PTGIS: variants seen among roughly 807,000 people sequenced by gnomAD.
PTGIS encodes the protein prostaglandin I2 synthase, also known as prostacyclin synthase.
In PTGIS, 45 loss-of-function variants were observed where a neutral mutation model predicts 50.3. The observed-to-expected ratio is 0.90, with a 90% CI of 0.70 to 1.15. The LOEUF (loss-of-function observed/expected upper bound fraction) is 1.15, where lower values mean the gene tolerates loss of function less well. PTGIS is among the 50% of genes most tolerant of loss of function. PTGIS has a pLI of 0.00. For missense variants in PTGIS, 668 were observed against 661.3 expected (o/e 1.01, Z -0.11); for synonymous variants, 260 against 267.7 (o/e 0.97, Z 0.28).
At chr20:49,518,530 T>G (rs574823325) in intron 6 of PTGIS, among the ~76,000 whole-genome samples, 12 of 152,274 alleles carry the variant, frequency 7.9e-5, no homozygotes, top group African/African-American at 2.2e-4. Flanking sequence ...AATTTCTTAG[T>G]CTTGATGAAT....
chr20:49,568,123 G>GCTGGCGGGT lies in PTGIS; in HGVS notation c.-8_-7insACCCGCCAG. 1 of 1,087,930 alleles carries GCTGGCGGGT rather than the reference G, an allele frequency of 9.2e-7. No individual in the cohort carries two copies. Among genetic ancestry groups the GCTGGCGGGT allele is most frequent in the Non-Finnish European group, 1.2e-6 (1 of 831,536 alleles). The allele number at this position is 1,087,930 out of a possible 1,614,324, so 67.4% of individuals were successfully genotyped here. On this transcript the variant is annotated 5_prime_UTR_variant, in exon 1 of 10. Transcript: ENST00000244043. ...GGAGCGCGGCCCAAGCCATCGCGGG[G>GCTGGCGGGT]CTGGCGGGGCTGGCGGGGCTGGCGG...
chr20:49,539,711 G>A lies in PTGIS; in HGVS notation c.532C>T (p.Leu178=). 6.2e-7 allele frequency: 1 copy of A among 1,612,420 alleles called. No homozygotes were observed. The highest frequency in any genetic ancestry group is 8.5e-7 in the Non-Finnish European group (1 of 1,179,848). ...SYSFLLRAGY[L]TLYGIEALPR... ...AGCGCCTCAATTCCGTAAAGAGTCA[G>A]GTAGCCGGCTCTGGGGGCGGCAGAC... is the stretch of plus-strand genomic sequence containing the variant. Residue 178 remains leucine (L), a synonymous_variant, in exon 5 of 10, where the codon CTG becomes TTG. Coordinates refer to ENST00000244043, the MANE Select transcript of PTGIS (RefSeq NM_000961.4).
intron 3 of PTGIS, 35 bp from the exon 4 acceptor site, chr20:49,544,483 T>A (rs750132513): frequency 3.1e-6 from 5 of 1,613,512 alleles, no homozygotes; most frequent in Non-Finnish European, 4.2e-6. Context: ...AAATTTGGCT[T>A]CCAAAGGGAA....
chr20:49,511,196 G>A lies in PTGIS; in HGVS notation c.1207-17C>T. 3 of 1,613,748 alleles carry A rather than the reference G, an allele frequency of 1.9e-6. No homozygotes were observed. Among genetic ancestry groups the A allele is most frequent in the Non-Finnish European group, 2.5e-6 (3 of 1,179,990 alleles). ...TTTAAATACCTGAAATAGGAAGAAGGTCCTTTTCTGACCCCATTCCCAGAA... is the reference window on the plus strand; with the variant it reads ...TTTAAATACCTGAAATAGGAAGAAGATCCTTTTCTGACCCCATTCCCAGAA... On this transcript the variant is annotated splice_polypyrimidine_tract_variant and intron_variant, in intron 8 of 9. Transcript: ENST00000244043.
At position 49,526,340 on chromosome 20, in the gene PTGIS, T is replaced by A. The variant is rs1013951963; in HGVS notation, c.674-2101A>T. ...ACACAGCTTTAGAAATAACTGGCAT[T>A]CTTTGAAGTCTGACCACACAACTGC... is the stretch of plus-strand genomic sequence containing the variant. On this transcript the variant is annotated intron_variant, in intron 5 of 9. Transcript: ENST00000244043. Among the ~76,000 whole-genome samples, 297 of 152,310 alleles carry A rather than the reference T, an allele frequency of 1.9e-3. 1 individual carries two copies. The highest frequency in any genetic ancestry group is 7.0e-3 in the African/African-American group (291 of 41,564).
Position 49,547,921 on chromosome 20 carries a change from A to C in PTGIS, c.297T>G (p.Tyr99Ter), listed in dbSNP as rs1982405685. The C allele has an allele frequency of 6.2e-7, 1 of 1,614,180 alleles. No individual in the cohort carries two copies. The highest frequency in any genetic ancestry group is 1.6e-4 in the Middle Eastern group (1 of 6,062). ...EPRTRLDFHA[Y>*]AIFLMERIFD... ...AAATCCTCTCCATGAGGAAGATGGCATAGGCATGGAAGTCGAGCCTGGTGC... is the reference window on the plus strand; with the variant it reads ...AAATCCTCTCCATGAGGAAGATGGCCTAGGCATGGAAGTCGAGCCTGGTGC... The change falls in exon 3 of 10, where the codon TAT becomes TAG. Residue 99 changes from tyrosine (Y) to a stop codon, truncating the protein, a stop_gained. Transcript: ENST00000244043. LOFTEE classifies it high-confidence loss of function.
chr20:49,567,041 A>T (rs1982917282), intron 1 of PTGIS, among the ~76,000 whole-genome samples: 1 of 152,134 alleles, frequency 6.6e-6, no homozygotes, highest in South Asian at 2.1e-4. Context: ...ATATTTTTTT[A>T]AATATGGAAG....
rs779986790 is a variant in PTGIS at position 49,506,346 on chromosome 20, C to T, written c.*1574G>A. Reference sequence around the variant, plus strand: ...TAGCATCATAAAAAAGGTTTGCAGGCCATTTTTCTCTTTAAGCTGTTTTTT... The same window carrying T: ...TAGCATCATAAAAAAGGTTTGCAGGTCATTTTTCTCTTTAAGCTGTTTTTT... On this transcript the variant is annotated 3_prime_UTR_variant, in exon 10 of 10. Transcript: ENST00000244043. The T allele has an allele frequency of 1.3e-5, 2 of 152,090 alleles. No homozygotes were observed. Among genetic ancestry groups the T allele is most frequent in the Non-Finnish European group, 1.5e-5 (1 of 68,022 alleles). 9.4% of individuals were successfully genotyped at this position (152,090 alleles called of 1,614,324 possible).
chr20:49,508,113 G>A (rs559404178), intron 9 of PTGIS, 49 bp from the exon 10 acceptor site: 3 of 1,607,068 alleles, frequency 1.9e-6, no homozygotes, highest in African/African-American at 2.7e-5. Flanking sequence ...TAGGGCAGGG[G>A]GTTATCGGGA....
chr20:49,537,981 C>T (rs1464418461), intron 5 of PTGIS, among the ~76,000 whole-genome samples: 1 of 151,878 alleles, frequency 6.6e-6, no homozygotes, highest in African/African-American at 2.4e-5. Context: ...TGGCCAGGCA[C>T]AGTGGCTCAC....
intron 5 of PTGIS, among the ~76,000 whole-genome samples, chr20:49,530,503 C>T (rs749031790): frequency 6.6e-6 from 1 of 152,190 alleles, no homozygotes; most frequent in Non-Finnish European, 1.5e-5. Context: ...AACCTCCATA[C>T]TGTTCTCCAT....
chr20:49,527,289 C>CAA (rs36033143), intron 5 of PTGIS, among the ~76,000 whole-genome samples: 5,556 of 111,112 alleles, frequency 0.05, 165 homozygotes, highest in South Asian at 0.15. Context: ...TACTAAAATA[C>CAA]AAAAAAAAAA....
chr20:49,538,148 A>C (rs1024428652), intron 5 of PTGIS, among the ~76,000 whole-genome samples: 6 of 151,296 alleles, frequency 4.0e-5, no homozygotes, highest in Non-Finnish European at 2.9e-5. Flanking sequence ...CCAGCTACTC[A>C]AGAAGCTGAG....
chr20:49,550,259 G>A (rs1401483692), intron 1 of PTGIS, 70 bp from the exon 2 acceptor site: 21 of 1,584,710 alleles, frequency 1.3e-5, no homozygotes, highest in Non-Finnish European at 1.7e-5. Flanking sequence ...AGGTTGCAGA[G>A]TGTGATTTTG....
At chr20:49,533,894 G>A (rs1982000038) in intron 5 of PTGIS, among the ~76,000 whole-genome samples, 1 of 152,276 alleles carries the variant, frequency 6.6e-6, no homozygotes, top group East Asian at 1.9e-4. Context: ...CTGGGAGGCA[G>A]AGGTTGCAGT....
At position 49,517,656 on chromosome 20, in the gene PTGIS, G is replaced by T. The variant is rs372927354; in HGVS notation, c.856-3261C>A. Among the ~76,000 whole-genome samples, 17 of 152,288 alleles carry T rather than the reference G, an allele frequency of 1.1e-4. No individual in the cohort carries two copies. The East Asian group carries it at 1.2e-3, about 10-fold the overall frequency. ...CCCTGTTCTAGCTTTCCTGTGAATG[G>T]CAGTGGCTGACCTCTGGGAGGCACT... On this transcript the variant is annotated intron_variant, in intron 6 of 9. Transcript: ENST00000244043.
At chr20:49,553,130 A>G (rs1476974729) in intron 1 of PTGIS, among the ~76,000 whole-genome samples, 2 of 152,132 alleles carry the variant, frequency 1.3e-5, no homozygotes, top group Non-Finnish European at 2.9e-5. Flanking sequence ...AGAATTGTCA[A>G]TATACATTAT....
intron 5 of PTGIS, among the ~76,000 whole-genome samples, chr20:49,529,299 T>C (rs2122862181): frequency 6.6e-6 from 1 of 152,300 alleles, no homozygotes; most frequent in Admixed American, 6.5e-5. Flanking sequence ...GTAACCACTG[T>C]TCTACTGTTC....
intron 5 of PTGIS, 59 bp from the exon 6 acceptor site, chr20:49,524,298 T>G: frequency 6.3e-7 from 1 of 1,584,586 alleles, no homozygotes; most frequent in Non-Finnish European, 8.6e-7. Flanking sequence ...CACCCAGGGC[T>G]GGCCAGGCAT....
Sources: gnomAD v4.1 joint callset for allele counts (sites outside exome capture counted in the v4.1 genomes callset) on GRCh38, gnomAD v4.1.1 for gene constraint, MANE v1.5 for transcripts, NCBI Gene and HGNC (gene_info 2026-07-23, HGNC 2026-07-21) for gene names.